Variants in SVOP observed in about 807,000 individuals in gnomAD.
SVOP encodes SV2 related protein.
Under a neutral mutation model 69.1 loss-of-function variants are expected in SVOP, and 17 were observed. The ratio of observed to expected loss-of-function variants is 0.25; its 90% confidence interval spans 0.17 to 0.37. The LOEUF is 0.37. Among genes scored for constraint, SVOP ranks in the 10% least tolerant of loss-of-function variants. The probability of loss-of-function intolerance (pLI) is 1.00; values close to 1 mark genes in which losing one functional copy is unlikely to be tolerated. For missense variants in SVOP, 435 were observed against 597.5 expected (o/e 0.73, Z 2.84); for synonymous variants, 238 against 238.6 (o/e 1.00, Z 0.02).
At chr12:108,964,384 C>G (rs1254207883) in intron 5 of SVOP, among the ~76,000 whole-genome samples, 1 of 151,796 alleles carries the variant, frequency 6.6e-6, no homozygotes, top group South Asian at 2.1e-4. Flanking sequence ...CTTAAGCTAA[C>G]TTAATAGGGA....
intron 12 of SVOP, among the ~76,000 whole-genome samples, chr12:108,922,227 A>G (rs117678376): frequency 8.1e-4 from 124 of 152,286 alleles, no homozygotes; most frequent in East Asian, 5.4e-3. Context: ...GTCCAATATA[A>G]TAAAGATGAT....
intron 5 of SVOP, among the ~76,000 whole-genome samples, chr12:108,971,474 C>T (rs1259716225): frequency 6.6e-6 from 1 of 151,780 alleles, no homozygotes; most frequent in Non-Finnish European, 1.5e-5. Flanking sequence ...CCCAAGATCA[C>T]ACAGCCAGTA....
intron 5 of SVOP, among the ~76,000 whole-genome samples, chr12:108,963,683 TGCCATGTTGACCAGGGTTTC>T (rs746150669): frequency 2.9e-4 from 44 of 152,194 alleles, no homozygotes; most frequent in Middle Eastern, 3.4e-3. Flanking sequence ...GTAAGTGTTT[TGCCATGTTGACCAGGGTTTC>T]GCCATGTTGC....
chr12:108,985,498 C>T (rs1026691177), intron 1 of SVOP, among the ~76,000 whole-genome samples: 4 of 151,698 alleles, frequency 2.6e-5, no homozygotes, highest in Non-Finnish European at 5.9e-5. Flanking sequence ...ATGGCAAAAC[C>T]CCATCTCTAC....
intron 1 of SVOP, among the ~76,000 whole-genome samples, chr12:109,013,672 G>A (rs1365968556): frequency 2.0e-5 from 3 of 152,074 alleles, no homozygotes; most frequent in South Asian, 2.1e-4. Context: ...TTACAGGCGT[G>A]AGCCACTGCA....
intron 1 of SVOP, among the ~76,000 whole-genome samples, chr12:109,020,345 T>C (rs2040390153): frequency 6.6e-6 from 1 of 151,954 alleles, no homozygotes; most frequent in Admixed American, 6.6e-5. Flanking sequence ...TGCCCAACCC[T>C]CTCCTCTAGG....
chr12:108,987,643 G>T (rs2040173144), intron 1 of SVOP, among the ~76,000 whole-genome samples: 1 of 152,066 alleles, frequency 6.6e-6, no homozygotes. Flanking sequence ...CATCCTAATG[G>T]GTGTGAGATG....
intron 5 of SVOP, among the ~76,000 whole-genome samples, chr12:108,969,716 T>TTTTTTTTTTCCTTCC (rs1555251574): frequency 6.8e-6 from 1 of 146,968 alleles, no homozygotes. Flanking sequence ...CTCCTTTTTT[T>TTTTTTTTTTCCTTCC]TCCTTCCTTC....
At chr12:108,919,829 T>C (rs1483759278) in intron 12 of SVOP, 43 bp from the exon 13 acceptor site, 2 of 1,349,412 alleles carry the variant, frequency 1.5e-6, no homozygotes, top group Non-Finnish European at 2.1e-6. Context: ...CCGATGTGAT[T>C]CCCAATGCCC....
chr12:109,012,009 G>A (rs917266500), intron 1 of SVOP, among the ~76,000 whole-genome samples: 2 of 152,200 alleles, frequency 1.3e-5, no homozygotes, highest in Non-Finnish European at 2.9e-5. Flanking sequence ...TAGGCTGGGC[G>A]CAGTGGCTCA....
At chr12:108,993,660 G>C (rs2040215544) in intron 1 of SVOP, among the ~76,000 whole-genome samples, 1 of 152,174 alleles carries the variant, frequency 6.6e-6, no homozygotes, top group African/African-American at 2.4e-5. Context: ...AATAAACTGG[G>C]TGCTGTGAAA....
intron 1 of SVOP, among the ~76,000 whole-genome samples, chr12:108,998,110 G>A (rs552581121): frequency 6.6e-6 from 1 of 152,226 alleles, no homozygotes; most frequent in Admixed American, 6.5e-5. Context: ...ACAGAGAAGT[G>A]CTTAAAGGAG....
At chr12:109,012,886 G>T (rs1330817598) in intron 1 of SVOP, among the ~76,000 whole-genome samples, 2 of 152,196 alleles carry the variant, frequency 1.3e-5, no homozygotes, top group Non-Finnish European at 2.9e-5. Context: ...CCATGATTGT[G>T]CCACTGCACT....
intron 6 of SVOP, among the ~76,000 whole-genome samples, chr12:108,956,339 C>G (rs2039985941): frequency 6.6e-6 from 1 of 151,392 alleles, no homozygotes; most frequent in Non-Finnish European, 1.5e-5. Context: ...CCCTTCTAGG[C>G]TGTCTCTTCC....
chr12:108,979,400 CA>C (rs1462180587), intron 2 of SVOP, among the ~76,000 whole-genome samples: 1 of 152,018 alleles, frequency 6.6e-6, no homozygotes, highest in Non-Finnish European at 1.5e-5. Context: ...TCACCATGCC[CA>C]GCTATTTTTT....
intron 1 of SVOP, among the ~76,000 whole-genome samples, chr12:109,018,864 A>G (rs2135637492): frequency 6.6e-6 from 1 of 152,352 alleles, no homozygotes; most frequent in Non-Finnish European, 1.5e-5. Flanking sequence ...GGCATTTGGC[A>G]TACATTATCT....
At chr12:108,959,998 G>C (rs1248316532) in intron 6 of SVOP, among the ~76,000 whole-genome samples, 1 of 152,144 alleles carries the variant, frequency 6.6e-6, no homozygotes, top group Non-Finnish European at 1.5e-5. Flanking sequence ...TACCTTCTAG[G>C]GAAAATGAGA....
intron 4 of SVOP, among the ~76,000 whole-genome samples, chr12:108,976,760 C>T (rs1015657763): frequency 2.6e-5 from 4 of 151,974 alleles, no homozygotes; most frequent in African/African-American, 7.3e-5. Context: ...GGATTACAGG[C>T]GCCCCCACCA....
chr12:108,929,204 G>C (rs2039800728), intron 11 of SVOP, among the ~76,000 whole-genome samples: 1 of 152,194 alleles, frequency 6.6e-6, no homozygotes, highest in South Asian at 2.1e-4. Flanking sequence ...TTTTGTTATA[G>C]GGGCCTCAGT....
Sources: gnomAD v4.1 joint callset for allele counts (sites outside exome capture counted in the v4.1 genomes callset) on GRCh38, gnomAD v4.1.1 for gene constraint, MANE v1.5 for transcripts, NCBI Gene and HGNC (gene_info 2026-07-23, HGNC 2026-07-21) for gene names.